Variants in NOS1AP observed in about 807,000 individuals in gnomAD.
NOS1AP encodes carboxyl-terminal PDZ ligand of neuronal nitric oxide synthase protein.
Under a neutral mutation model 56.2 loss-of-function variants are expected in NOS1AP, and 21 were observed. The ratio of observed to expected loss-of-function variants is 0.37; its 90% CI spans 0.26 to 0.54. NOS1AP has a LOEUF of 0.54. Ranked by LOEUF, NOS1AP falls within the 20% of genes least tolerant of loss-of-function variation. NOS1AP has a pLI of 0.84. For synonymous variants in NOS1AP, 270 were observed against 274.6 expected (o/e 0.98, Z 0.17); for missense variants, 522 against 657.8 (o/e 0.79, Z 2.26).
At chr1:162,216,129 G>C (rs1465791880) in intron 2 of NOS1AP, among the ~76,000 whole-genome samples, 1 of 152,154 alleles carries the variant, frequency 6.6e-6, no homozygotes, top group Admixed American at 6.5e-5. Flanking sequence ...TCAGTCTTCT[G>C]AGTCCATTGA....
intron 4 of NOS1AP, among the ~76,000 whole-genome samples, chr1:162,323,200 G>A (rs915846216): frequency 1.1e-4 from 16 of 152,206 alleles, no homozygotes; most frequent in African/African-American, 2.2e-4. Context: ...GCAGAATGCC[G>A]TGGGAAGGCA....
At chr1:162,138,459 TTG>T (rs1204240059) in intron 1 of NOS1AP, among the ~76,000 whole-genome samples, 1 of 152,350 alleles carries the variant, frequency 6.6e-6, no homozygotes, top group East Asian at 1.9e-4. Context: ...TTAATAATTG[TTG>T]TGTTATACCC....
chr1:162,070,054 T>A lies in NOS1AP; in HGVS notation c.-124T>A. 1.4e-6 allele frequency: 1 copy of A among 692,600 alleles called. No individual in the cohort carries two copies. Among genetic ancestry groups the A allele is most frequent in the East Asian group, 3.5e-5 (1 of 28,628 alleles). 42.9% of individuals were successfully genotyped at this position (692,600 alleles called of 1,614,324 possible). On this transcript the variant is annotated 5_prime_UTR_variant, in exon 1 of 10. Coordinates refer to ENST00000361897, the MANE Select transcript of NOS1AP (RefSeq NM_014697.3). ...GCCGCCGCGCGGCCAGGGCTCCCCC[T>A]GCCCAGCGCTCCCAGGCCCCGCCAC... is the stretch of plus-strand genomic sequence containing the variant.
At chr1:162,222,899 A>G (rs114109982) in intron 2 of NOS1AP, among the ~76,000 whole-genome samples, 53 of 152,352 alleles carry the variant, frequency 3.5e-4, no homozygotes, top group Non-Finnish European at 5.9e-4. Flanking sequence ...AGGTCAAGAG[A>G]ATGGAAGAAA....
intron 1 of NOS1AP, among the ~76,000 whole-genome samples, chr1:162,079,280 G>T (rs1691837617): frequency 6.6e-6 from 1 of 152,142 alleles, no homozygotes; most frequent in South Asian, 2.1e-4. Flanking sequence ...AGTGGAATTA[G>T]AATCTGAATA....
chr1:162,090,567 G>A (rs1161297770), intron 1 of NOS1AP, among the ~76,000 whole-genome samples: 1 of 152,048 alleles, frequency 6.6e-6, no homozygotes, highest in African/African-American at 2.4e-5. Flanking sequence ...TTATCCATAT[G>A]TTGGTTCTTG....
In NOS1AP at chr1:162,246,650, G is replaced by A. The variant is rs149747568; in HGVS notation, c.178-40694G>A. Among the ~76,000 whole-genome samples the A allele has an allele frequency of 6.6e-3, 1,010 of 152,190 alleles. 14 individuals carry two copies. The highest frequency in any genetic ancestry group is 0.023 in the African/African-American group (953 of 41,522). On this transcript the variant is annotated intron_variant, in intron 2 of 9. Coordinates refer to ENST00000361897, the MANE Select transcript of NOS1AP (RefSeq NM_014697.3). ...TACAGAAATAGTAATTCTGGCCTGG[G>A]ATCTGCTCCTACTTGACTCTGTAAC... is the stretch of plus-strand genomic sequence containing the variant.
intron 2 of NOS1AP, among the ~76,000 whole-genome samples, chr1:162,182,894 C>G (rs566817699): frequency 1.2e-4 from 19 of 152,320 alleles, no homozygotes; most frequent in African/African-American, 4.3e-4. Context: ...TCCTGGAGAA[C>G]TGGAATTCAC....
intron 4 of NOS1AP, among the ~76,000 whole-genome samples, chr1:162,308,821 T>G (rs1252429211): frequency 1.3e-5 from 2 of 152,198 alleles, no homozygotes; most frequent in Non-Finnish European, 2.9e-5. Flanking sequence ...CAGATAGAAC[T>G]TGACATGTGT....
intron 6 of NOS1AP, 63 bp from the exon 7 acceptor site, chr1:162,355,124 G>A: frequency 6.3e-7 from 1 of 1,589,416 alleles, no homozygotes; most frequent in South Asian, 1.1e-5. Flanking sequence ...AAAGTATTAG[G>A]AAAGGAGGAC....
At position 162,367,527 on chromosome 1, in the gene NOS1AP, G is replaced by T. The variant is rs980780937; in HGVS notation, c.*60G>T. On this transcript the variant is annotated 3_prime_UTR_variant, in exon 10 of 10. Transcript: ENST00000361897. This position sits in a 1 kb window ranked among gnomAD's most constrained non-coding sequence, Gnocchi z 6.5. Reference sequence around the variant, plus strand: ...GCTGGAGGGGCCGTGTCTGGCTGCTGCCCGGGTAGGGGATGCCCAGTGAAT... The same window carrying T: ...GCTGGAGGGGCCGTGTCTGGCTGCTTCCCGGGTAGGGGATGCCCAGTGAAT... 3 of 1,487,998 alleles carry T rather than the reference G, an allele frequency of 2.0e-6. No homozygotes were observed. The African/African-American group carries it at 4.1e-5, about 21-fold the overall frequency. 92.2% of individuals were successfully genotyped at this position (1,487,998 alleles called of 1,614,324 possible).
intron 2 of NOS1AP, among the ~76,000 whole-genome samples, chr1:162,274,674 G>A (rs1282786396): frequency 6.6e-6 from 1 of 152,190 alleles, no homozygotes; most frequent in Non-Finnish European, 1.5e-5. Flanking sequence ...GTCTGAGTGT[G>A]TTTCAATAGG....
intron 2 of NOS1AP, among the ~76,000 whole-genome samples, chr1:162,263,488 C>T (rs573202554): frequency 9.2e-5 from 14 of 152,326 alleles, no homozygotes; most frequent in South Asian, 4.1e-4. Flanking sequence ...AAGTTTCTAA[C>T]ACATAAATTT....
chr1:162,243,662 G>T (rs1653569645), intron 2 of NOS1AP, among the ~76,000 whole-genome samples: 1 of 152,154 alleles, frequency 6.6e-6, no homozygotes, highest in African/African-American at 2.4e-5. Context: ...GGCAGCTCTT[G>T]GGGTTAATTC....
intron 4 of NOS1AP, among the ~76,000 whole-genome samples, chr1:162,321,625 G>A (rs996288875): frequency 1.3e-5 from 2 of 151,498 alleles, no homozygotes; most frequent in South Asian, 4.2e-4. Flanking sequence ...TGTAAATGAC[G>A]AGTTCATGGG....
In NOS1AP at chr1:162,357,136, G is replaced by C; in HGVS notation, c.939G>C (p.Gln313His). ...QQQQTQVAVAQVHLLKDQLAA... is the reference protein window; with the variant it reads ...QQQQTQVAVAHVHLLKDQLAA... ...AGCAGACACAAGTGGCTGTGGCCCA[G>C]GTTCTCCTCAGCCTCCTCCCTACTT... is the stretch of plus-strand genomic sequence containing the variant. The change falls in exon 8 of 10, where the codon CAG (glutamine) becomes CAC (histidine). Residue 313 changes from glutamine (Q) to histidine (H), a missense_variant and splice_region_variant. Around this residue, in one of 4 missense-constraint regions of NOS1AP, gnomAD observed 52 missense variants for 94.5 expected, o/e 0.55. Transcript: ENST00000361897. The C allele has an allele frequency of 6.2e-7, 1 of 1,605,622 alleles. No homozygotes were observed. The highest frequency in any genetic ancestry group is 8.5e-7 in the Non-Finnish European group (1 of 1,179,730).
intron 1 of NOS1AP, among the ~76,000 whole-genome samples, chr1:162,106,002 G>A (rs1362739375): frequency 6.6e-6 from 1 of 152,164 alleles, no homozygotes; most frequent in Admixed American, 6.5e-5. Context: ...TGGATGCCGG[G>A]GCCAGAGTAT....
At chr1:162,343,747 T>C in intron 5 of NOS1AP, 88 bp from the exon 6 acceptor site, 2 of 1,487,820 alleles carry the variant, frequency 1.3e-6, no homozygotes, top group Non-Finnish European at 9.4e-7. Context: ...GATTTTTCTG[T>C]CTCTTTCTTT....
chr1:162,262,378 C>T (rs1248709645), intron 2 of NOS1AP, among the ~76,000 whole-genome samples: 1 of 152,202 alleles, frequency 6.6e-6, no homozygotes, highest in African/African-American at 2.4e-5. Context: ...CTAAGATCAA[C>T]TTTGTTCACA....
Sources: allele counts gnomAD v4.1 joint callset (sites outside exome capture counted in the v4.1 genomes callset), GRCh38; gene constraint gnomAD v4.1.1; regional missense constraint gnomAD v4.1.1; non-coding constraint Gnocchi (gnomAD v3.1); transcripts MANE v1.5; gene names NCBI Gene and HGNC (gene_info 2026-07-23, HGNC 2026-07-21).